SCAPER: variants seen among roughly 807,000 people sequenced by gnomAD.
SCAPER encodes the protein S-phase cyclin A associated protein in the ER.
SCAPER carries 98 observed loss-of-function variants against 182.2 expected under a neutral mutation model. The observed-to-expected ratio is 0.54, with a 90% CI of 0.46 to 0.64. The LOEUF (loss-of-function observed/expected upper bound fraction) is 0.64. Ranked by LOEUF, SCAPER falls within the 30% of genes least tolerant of loss-of-function variation. The probability of loss-of-function intolerance (pLI) is 0.00; values close to 1 mark genes in which losing one functional copy is unlikely to be tolerated. For synonymous variants in SCAPER, 605 were observed against 564.6 expected, an observed-to-expected ratio of 1.07 and a Z score of -1.01; for missense variants, 1,432 against 1,690.0, an observed-to-expected ratio of 0.85 and a Z score of 2.68.
chr15:76,611,575 C>T (rs546177317), intron 22 of SCAPER, among the ~76,000 whole-genome samples: 1 of 152,232 alleles, frequency 6.6e-6, no homozygotes, highest in South Asian at 2.1e-4. Flanking sequence ...TTAACAGATC[C>T]TATAAGGCCA....
intron 24 of SCAPER, among the ~76,000 whole-genome samples, chr15:76,499,971 T>G (rs1195642834): frequency 1.3e-5 from 2 of 152,274 alleles, no homozygotes; most frequent in African/African-American, 4.8e-5. Flanking sequence ...AAACAATAAC[T>G]ACAACAAAAA....
chr15:76,592,415 TAGAC>T (rs1446906189), intron 22 of SCAPER, among the ~76,000 whole-genome samples: 1 of 122,014 alleles, frequency 8.2e-6, no homozygotes, highest in African/African-American at 2.5e-5. Context: ...GCTACAAAGA[TAGAC>T]AGTTGAATAA....
intron 22 of SCAPER, among the ~76,000 whole-genome samples, 178 bp from the exon 23 acceptor site, chr15:76,574,462 A>G (rs1343715183): frequency 6.6e-6 from 1 of 152,206 alleles, no homozygotes; most frequent in Non-Finnish European, 1.5e-5. Flanking sequence ...TATATTCATG[A>G]CCACCAATTC....
In SCAPER at chr15:76,702,846, C is replaced by T. The variant is rs1198322233; in HGVS notation, c.2400+4G>A. ...ATCATTACAATATTGATATAACAAC[C>T]TACCAGGACATTGCAGAGAGAACAC... On this transcript the variant is annotated splice_donor_region_variant and intron_variant, in intron 19 of 31. Transcript: ENST00000563290. 9 of 1,594,828 alleles carry T rather than the reference C, an allele frequency of 5.6e-6. No individual in the cohort carries two copies. The highest frequency in any genetic ancestry group is 1.4e-5 in the African/African-American group (1 of 73,358).
In SCAPER at chr15:76,665,651, A is replaced by T; in HGVS notation, c.2645+2T>A. The T allele has an allele frequency of 6.3e-7, 1 of 1,586,790 alleles. No homozygotes were observed. The highest frequency in any genetic ancestry group is 1.2e-5 in the South Asian group (1 of 85,116). On this transcript the variant is annotated splice_donor_variant, in intron 21 of 31. Transcript: ENST00000563290. LOFTEE classifies it high-confidence loss of function. ...TTTTGCTTTTAAGGGTATTTAAGGT[A>T]CCTGAAGTTCATCCGGGCTTTTATC...
At chr15:76,809,966 C>T (rs1365689563) in intron 5 of SCAPER, among the ~76,000 whole-genome samples, 7 of 151,934 alleles carry the variant, frequency 4.6e-5, no homozygotes, top group African/African-American at 1.2e-4. Flanking sequence ...AAGTACTGAA[C>T]GAAAAAGAAA....
chr15:76,695,569 C>T (rs1351850720), intron 20 of SCAPER, among the ~76,000 whole-genome samples: 3 of 150,864 alleles, frequency 2.0e-5, no homozygotes, highest in Non-Finnish European at 4.4e-5. Flanking sequence ...TGCACTCCAG[C>T]CTGGATGACG....
rs551171888 is a variant in SCAPER at position 76,641,208 on chromosome 15, T to C, written c.2646-19379A>G. 1.1e-4 allele frequency among the ~76,000 whole-genome samples: 16 copies of C among 152,332 alleles called. 1 individual carries two copies. In the East Asian group the frequency reaches 3.1e-3, roughly 29 times the overall value. Reference sequence around the variant, plus strand: ...TGATTAATATTTTGCTAATCATAGGTTATGGAAAGACTGTGTTTCTGTTTT... The same window carrying C: ...TGATTAATATTTTGCTAATCATAGGCTATGGAAAGACTGTGTTTCTGTTTT... On this transcript the variant is annotated intron_variant, in intron 21 of 31. Coordinates refer to ENST00000563290, the MANE Select transcript of SCAPER (RefSeq NM_020843.4).
intron 20 of SCAPER, among the ~76,000 whole-genome samples, chr15:76,675,120 TTCA>T (rs2057289860): frequency 1.3e-5 from 2 of 152,202 alleles, no homozygotes; most frequent in Admixed American, 1.3e-4. Context: ...TAAGTGGAGG[TTCA>T]TCATACTATT....
At chr15:76,657,931 T>C (rs2055808117) in intron 21 of SCAPER, among the ~76,000 whole-genome samples, 1 of 152,116 alleles carries the variant, frequency 6.6e-6, no homozygotes, top group South Asian at 2.1e-4. Context: ...TAATTAGAAC[T>C]GTATATGTCA....
At chr15:76,583,462 G>A (rs540278615) in intron 22 of SCAPER, among the ~76,000 whole-genome samples, 4 of 151,980 alleles carry the variant, frequency 2.6e-5, no homozygotes, top group East Asian at 1.9e-4. Flanking sequence ...GCAGAGGAAC[G>A]AATCAATAAA....
At chr15:76,862,264 G>GT (rs1242370625) in intron 3 of SCAPER, among the ~76,000 whole-genome samples, 152 bp downstream of exon 3, 1 of 151,476 alleles carries the variant, frequency 6.6e-6, no homozygotes, top group East Asian at 1.9e-4. Flanking sequence ...ATAAAACCAT[G>GT]TGTGTATAAA....
At chr15:76,664,660 A>C (rs1205644176) in intron 21 of SCAPER, among the ~76,000 whole-genome samples, 1 of 152,146 alleles carries the variant, frequency 6.6e-6, no homozygotes, top group African/African-American at 2.4e-5. Context: ...GGCCCTTAAA[A>C]CATTCAAAAG....
intron 26 of SCAPER, among the ~76,000 whole-genome samples, chr15:76,425,014 T>G (rs1200161165): frequency 6.6e-6 from 1 of 152,228 alleles, no homozygotes; most frequent in East Asian, 1.9e-4. Flanking sequence ...CTTCCCTTTG[T>G]GGGTAACCTG....
At chr15:76,813,954 G>A (rs146319199) in intron 5 of SCAPER, among the ~76,000 whole-genome samples, 23 of 152,260 alleles carry the variant, frequency 1.5e-4, no homozygotes, top group African/African-American at 5.5e-4. Flanking sequence ...GATTACTTGA[G>A]GTCAGGGGTT....
chr15:76,688,843 CTTTTTTTTTTTTTTT>C (rs71143353), intron 20 of SCAPER, among the ~76,000 whole-genome samples: 1 of 92,368 alleles, frequency 1.1e-5, no homozygotes, highest in Non-Finnish European at 2.1e-5. Flanking sequence ...AAATGCCTCT[CTTTTTTTTTTTTTTT>C]TTTTTTTTGA....
intron 27 of SCAPER, among the ~76,000 whole-genome samples, chr15:76,397,747 G>T (rs1471561193): frequency 6.6e-6 from 1 of 152,082 alleles, no homozygotes; most frequent in Admixed American, 6.6e-5. Flanking sequence ...AAAGTGCTGG[G>T]ATTACAGGTG....
chr15:76,556,822 C>T (rs1454329386), intron 23 of SCAPER, among the ~76,000 whole-genome samples: 2 of 152,164 alleles, frequency 1.3e-5, no homozygotes, highest in Non-Finnish European at 2.9e-5. Flanking sequence ...CAAATTATCT[C>T]TCTTTGCAGA....
At chr15:76,902,483 T>G (rs909499171) in intron 1 of SCAPER, among the ~76,000 whole-genome samples, 2 of 152,192 alleles carry the variant, frequency 1.3e-5, no homozygotes, top group African/African-American at 2.4e-5. Flanking sequence ...ACTATATAAG[T>G]TGAATTTTTT....
Sources: allele counts gnomAD v4.1 joint callset (sites outside exome capture counted in the v4.1 genomes callset), GRCh38; gene constraint gnomAD v4.1.1; transcripts MANE v1.5; gene names NCBI Gene and HGNC (gene_info 2026-07-23, HGNC 2026-07-21).